Variants in INVS observed in about 807,000 individuals in gnomAD.
INVS encodes the protein inversion of embryo turning homolog.
A neutral mutation model predicts 108.8 loss-of-function variants in INVS; 86 were observed. That is an observed-to-expected ratio of 0.79 (90% CI 0.66 to 0.95). The LOEUF (loss-of-function observed/expected upper bound fraction) is 0.95. Among genes scored for constraint, INVS ranks in the 40% least tolerant of loss-of-function variants. INVS has a pLI of 0.00. For synonymous variants in INVS, 455 were observed against 473.5 expected (o/e 0.96, Z 0.51); for missense variants, 1,169 against 1,297.4 (o/e 0.90, Z 1.52).
At chr9:100,265,001 G>C in intron 11 of INVS, 73 bp downstream of exon 11, 1 of 1,003,848 alleles carries the variant, frequency 1.0e-6, no homozygotes, top group Non-Finnish European at 1.6e-6. Flanking sequence ...GGGTTGCAGT[G>C]GCACGATCTT....
At chr9:100,299,284 C>T (rs1833878468) in intron 16 of INVS, among the ~76,000 whole-genome samples, 1 of 152,152 alleles carries the variant, frequency 6.6e-6, no homozygotes, top group African/African-American at 2.4e-5. Context: ...TAGGCTCAAG[C>T]CCACCCACAT....
At chr9:100,288,311 G>A (rs974416291) in intron 13 of INVS, among the ~76,000 whole-genome samples, 1 of 152,082 alleles carries the variant, frequency 6.6e-6, no homozygotes, top group African/African-American at 2.4e-5. Context: ...CCTATCTCCT[G>A]ACTATAGGAT....
rs191142903 is a variant in INVS, at chr9:100,183,633, A to G, written c.274-42429A>G. Among the ~76,000 whole-genome samples the G allele has an allele frequency of 1.4e-4, 22 of 152,136 alleles. No homozygotes were observed. In the East Asian group the frequency reaches 1.5e-3, roughly 11 times the overall value. ...CATGGTGAAACCTCGTCTCTACTAA[A>G]ATACAAAACATTAGCTGGGTGTGGT... On this transcript the variant is annotated intron_variant, in intron 3 of 16. Transcript: ENST00000262457.
At chr9:100,142,768 G>A (rs997429608) in intron 3 of INVS, among the ~76,000 whole-genome samples, 3 of 152,126 alleles carry the variant, frequency 2.0e-5, no homozygotes, top group African/African-American at 2.4e-5. Flanking sequence ...TTAAGGCAGC[G>A]GCAGCCGCTG....
intron 13 of INVS, among the ~76,000 whole-genome samples, chr9:100,287,505 T>C (rs1833483727): frequency 6.6e-6 from 1 of 152,220 alleles, no homozygotes; most frequent in Non-Finnish European, 1.5e-5. Flanking sequence ...TTCTTACCCC[T>C]TGATATGGAT....
intron 12 of INVS, among the ~76,000 whole-genome samples, chr9:100,282,808 T>C (rs1833320639): frequency 6.9e-6 from 1 of 145,692 alleles, no homozygotes; most frequent in Non-Finnish European, 1.5e-5. Flanking sequence ...TCATTCCATC[T>C]AGTGGTATAG....
At chr9:100,252,800 A>G (rs988301765) in intron 9 of INVS, 107 bp from the exon 10 acceptor site, 6 of 800,438 alleles carry the variant, frequency 7.5e-6, no homozygotes, top group Non-Finnish European at 1.3e-5. Flanking sequence ...TTTTTCTTCT[A>G]TTCATTTTAA....
rs76975466 is a variant in INVS, at chr9:100,126,595, C to T, written c.273+46C>T. The T allele has an allele frequency of 0.042, 64,801 of 1,560,734 alleles. 1,692 individuals are homozygous for T. The highest frequency in any genetic ancestry group is 0.046 in the Non-Finnish European group (52,529 of 1,132,000). ...GAAGAGTAAATGTTTTGTGTGATGTCTGCTAGTTGATTAGTGGAACTATGC... is the reference window on the plus strand; with the variant it reads ...GAAGAGTAAATGTTTTGTGTGATGTTTGCTAGTTGATTAGTGGAACTATGC... On this transcript the variant is annotated intron_variant, in intron 3 of 16. Coordinates refer to ENST00000262457, the MANE Select transcript of INVS (RefSeq NM_014425.5).
rs774272473 is a variant in INVS at position 100,229,614 on chromosome 9, A to G, written c.448-46A>G. The G allele has an allele frequency of 2.5e-6, 4 of 1,571,200 alleles. No homozygotes were observed. The East Asian group carries it at 6.7e-5, about 26-fold the overall frequency. On this transcript the variant is annotated intron_variant, in intron 4 of 16. Transcript: ENST00000262457. ...TGTCCCACAATAAAAGATTGGGGAA[A>G]GTTAGTTGTTACTGTTGTTATTTCG...
At chr9:100,126,014 A>G (rs1298840094) in intron 2 of INVS, among the ~76,000 whole-genome samples, 1 of 152,174 alleles carries the variant, frequency 6.6e-6, no homozygotes, top group Non-Finnish European at 1.5e-5. Context: ...CACTCATAAA[A>G]CATACCACAA....
intron 3 of INVS, among the ~76,000 whole-genome samples, chr9:100,186,052 A>G (rs978071659): frequency 6.6e-6 from 1 of 152,178 alleles, no homozygotes; most frequent in Admixed American, 6.5e-5. Flanking sequence ...CCTCGGGGTA[A>G]ATACCCAGTA....
intron 16 of INVS, among the ~76,000 whole-genome samples, chr9:100,299,987 A>T (rs539089236): frequency 7.7e-4 from 118 of 152,384 alleles, no homozygotes; most frequent in African/African-American, 2.6e-3. Context: ...CTCCATAAAA[A>T]GTTAGAAGCA....
chr9:100,202,467 T>C (rs930436740), intron 3 of INVS, among the ~76,000 whole-genome samples: 7 of 152,242 alleles, frequency 4.6e-5, no homozygotes, highest in Non-Finnish European at 8.8e-5. Context: ...TTGAGGAAAC[T>C]GATTACAGAA....
At chr9:100,253,242 C>A in intron 10 of INVS, 106 bp downstream of exon 10, 2 of 807,772 alleles carry the variant, frequency 2.5e-6, no homozygotes, top group Non-Finnish European at 4.2e-6. Context: ...AAGAGATCAC[C>A]CACAAATCCA....
chr9:100,226,765 A>G (rs1831335879), intron 4 of INVS, among the ~76,000 whole-genome samples: 1 of 146,252 alleles, frequency 6.8e-6, no homozygotes, highest in East Asian at 2.0e-4. Context: ...GTGAGCCCAG[A>G]TAGTGCCACT....
intron 14 of INVS, 31 bp downstream of exon 14, chr9:100,293,074 GTTCT>G (rs749537297): frequency 1.3e-5 from 21 of 1,567,718 alleles, no homozygotes; most frequent in East Asian, 2.2e-5. Context: ...CGCATCTGTG[GTTCT>G]TTGTTACTGA....
At chr9:100,193,516 T>C (rs117587787) in intron 3 of INVS, among the ~76,000 whole-genome samples, 2,861 of 152,318 alleles carry the variant, frequency 0.019, 41 homozygotes, top group Admixed American at 0.029. Flanking sequence ...GATGTGTAAT[T>C]TGATAAGTTG....
At chr9:100,300,289 T>C (rs1833924653) in intron 16 of INVS, among the ~76,000 whole-genome samples, 1 of 152,240 alleles carries the variant, frequency 6.6e-6, no homozygotes. Context: ...AGAGAGAATC[T>C]ATTTGTTATT....
chr9:100,108,107 T>G (rs1827233379), intron 2 of INVS, among the ~76,000 whole-genome samples: 1 of 152,174 alleles, frequency 6.6e-6, no homozygotes, highest in East Asian at 1.9e-4. Flanking sequence ...ATGCTTTAAT[T>G]AAAAATATAA....
Sources: gnomAD v4.1 joint callset for allele counts (sites outside exome capture counted in the v4.1 genomes callset) on GRCh38, gnomAD v4.1.1 for gene constraint, MANE v1.5 for transcripts, NCBI Gene and HGNC (gene_info 2026-07-23, HGNC 2026-07-21) for gene names.